Variants in DPYD observed in about 807,000 individuals in gnomAD.
DPYD encodes dihydropyrimidine dehydrogenase [NADP(+)].
A neutral mutation model predicts 116.2 loss-of-function variants in DPYD; 109 were observed. The observed-to-expected ratio is 0.94, with a 90% CI of 0.80 to 1.10. The LOEUF is 1.10. DPYD is among the 50% of genes least tolerant of loss of function. The pLI, the probability that DPYD is intolerant of heterozygous loss-of-function variation, is 0.00. For missense variants in DPYD, 1,302 were observed against 1,254.5 expected (o/e 1.04, Z -0.57); for synonymous variants, 440 against 432.0 (o/e 1.02, Z -0.23).
At chr1:97,318,143 C>T (rs1340694998) in intron 16 of DPYD, among the ~76,000 whole-genome samples, 2 of 147,428 alleles carry the variant, frequency 1.4e-5, no homozygotes, top group Non-Finnish European at 3.0e-5. Context: ...AATGTAAAGA[C>T]CATTGAGACT....
At chr1:97,909,123 T>C (rs1673791726) in intron 1 of DPYD, among the ~76,000 whole-genome samples, 1 of 152,158 alleles carries the variant, frequency 6.6e-6, no homozygotes, top group Non-Finnish European at 1.5e-5. Context: ...AATCTATTCA[T>C]ACTTTCACCT....
intron 14 of DPYD, among the ~76,000 whole-genome samples, chr1:97,415,638 A>T (rs1297186032): frequency 6.6e-6 from 1 of 152,122 alleles, no homozygotes; most frequent in African/African-American, 2.4e-5. Context: ...TACAATTATT[A>T]AAAAATACTA....
At chr1:97,248,305 C>G (rs1662856432) in intron 18 of DPYD, among the ~76,000 whole-genome samples, 1 of 152,172 alleles carries the variant, frequency 6.6e-6, no homozygotes, top group African/African-American at 2.4e-5. Flanking sequence ...CTTTCCTGCG[C>G]TGTTCTTGTG....
intron 12 of DPYD, among the ~76,000 whole-genome samples, chr1:97,525,404 C>A (rs1302706009): frequency 6.6e-6 from 1 of 152,152 alleles, no homozygotes; most frequent in African/African-American, 2.4e-5. Flanking sequence ...CAGCTTCCCA[C>A]AAGCAAAGCT....
intron 13 of DPYD, among the ~76,000 whole-genome samples, chr1:97,458,283 T>A (rs973888261): frequency 2.6e-5 from 4 of 152,194 alleles, no homozygotes; most frequent in African/African-American, 9.6e-5. Flanking sequence ...ATGAAATGAC[T>A]ACTATTTAAA....
chr1:97,474,401 G>C (rs1677835057), intron 13 of DPYD, among the ~76,000 whole-genome samples: 3 of 152,002 alleles, frequency 2.0e-5, no homozygotes, highest in Admixed American at 1.3e-4. Flanking sequence ...CAGATCAGGT[G>C]TTCTGTCAGA....
chr1:97,475,558 T>C (rs950588863), intron 13 of DPYD, among the ~76,000 whole-genome samples: 1 of 152,338 alleles, frequency 6.6e-6, no homozygotes, highest in Middle Eastern at 3.4e-3. Flanking sequence ...GTTGTGGCCT[T>C]TCCTCTAGCC....
Position 97,540,017 on chromosome 1 carries a change from C to T in DPYD, c.1524+9543G>A, listed in dbSNP as rs558744753. ...GTTTCTCCACTAAAATCTCACAACA[C>T]GCTTCTGACACCAGGTGTGTGCGAA... On this transcript the variant is annotated intron_variant, in intron 12 of 22. Coordinates refer to ENST00000370192, the MANE Select transcript of DPYD (RefSeq NM_000110.4). Among the ~76,000 whole-genome samples the T allele has an allele frequency of 2.4e-4, 37 of 152,210 alleles. No homozygotes were observed. The South Asian group carries it at 7.1e-3, about 29-fold the overall frequency.
intron 19 of DPYD, among the ~76,000 whole-genome samples, chr1:97,220,129 G>C (rs1660686428): frequency 6.6e-6 from 1 of 152,112 alleles, no homozygotes; most frequent in Non-Finnish European, 1.5e-5. Context: ...GCAGTATTGA[G>C]AGGTGGGGTC....
chr1:97,209,558 T>G (rs1251591060), intron 19 of DPYD, among the ~76,000 whole-genome samples: 2 of 152,172 alleles, frequency 1.3e-5, no homozygotes, highest in Non-Finnish European at 2.9e-5. Flanking sequence ...AAACTGATTT[T>G]TTGCTTGTGT....
At chr1:97,782,867 A>G (rs1571349180) in intron 3 of DPYD, among the ~76,000 whole-genome samples, 2 of 152,124 alleles carry the variant, frequency 1.3e-5, no homozygotes, top group South Asian at 2.1e-4. Flanking sequence ...TATTCTCTGG[A>G]TATCAGGTGG....
intron 2 of DPYD, 152 bp from the exon 3 acceptor site, chr1:97,828,348 C>CA (rs1669350840): frequency 4.5e-6 from 3 of 663,954 alleles, no homozygotes; most frequent in Non-Finnish European, 5.2e-6. Context: ...TTAAAATTGA[C>CA]AGTTAAATCC....
intron 12 of DPYD, chr1:97,546,976 A>G: frequency 1.2e-6 from 2 of 1,603,022 alleles, no homozygotes; most frequent in Non-Finnish European, 1.7e-6. Flanking sequence ...AGTACTCTGA[A>G]TGGACCATAG....
intron 16 of DPYD, among the ~76,000 whole-genome samples, chr1:97,373,242 G>C (rs1172496950): frequency 2.0e-5 from 3 of 152,168 alleles, no homozygotes; most frequent in African/African-American, 7.2e-5. Flanking sequence ...AACTGGATCG[G>C]CATCAGGAAT....
chr1:97,317,135 C>T (rs1372859069), intron 16 of DPYD, among the ~76,000 whole-genome samples: 1 of 151,860 alleles, frequency 6.6e-6, no homozygotes, highest in African/African-American at 2.4e-5. Flanking sequence ...TGAGCTTGAA[C>T]TTTCTTTATG....
At chr1:97,667,289 A>G (rs1048883299) in intron 8 of DPYD, among the ~76,000 whole-genome samples, 3 of 152,102 alleles carry the variant, frequency 2.0e-5, no homozygotes, top group South Asian at 4.1e-4. Context: ...TTGGCCCTCT[A>G]TCTTCATCCC....
chr1:97,508,822 T>C (rs59953495), intron 13 of DPYD, among the ~76,000 whole-genome samples: 6,657 of 152,010 alleles, frequency 0.044, 499 homozygotes, highest in African/African-American at 0.15. Context: ...CCTGATCTGG[T>C]CTTGTGATGT....
At chr1:97,269,625 G>A (rs917704054) in intron 18 of DPYD, among the ~76,000 whole-genome samples, 3 of 152,122 alleles carry the variant, frequency 2.0e-5, no homozygotes, top group Non-Finnish European at 2.9e-5. Flanking sequence ...GGCTGATTCA[G>A]TTCCTGGTGA....
At chr1:97,758,390 G>A (rs996490988) in intron 3 of DPYD, among the ~76,000 whole-genome samples, 23 of 151,630 alleles carry the variant, frequency 1.5e-4, no homozygotes, top group African/African-American at 5.6e-4. Flanking sequence ...TCATTTTAGG[G>A]GAAATTGATA....
Sources: allele counts gnomAD v4.1 joint callset (sites outside exome capture counted in the v4.1 genomes callset), GRCh38; gene constraint gnomAD v4.1.1; transcripts MANE v1.5; gene names NCBI Gene and HGNC (gene_info 2026-07-23, HGNC 2026-07-21).